ZNF608: variants seen among roughly 807,000 people sequenced by gnomAD.
ZNF608 encodes zinc finger protein 608, also known as renal carcinoma antigen NY-REN-36.
ZNF608 carries 12 observed loss-of-function variants against 109.0 expected under a neutral mutation model. That is an observed-to-expected ratio of 0.11 (90% confidence interval 0.07 to 0.18). The LOEUF (loss-of-function observed/expected upper bound fraction) is 0.18, where lower values mean the gene tolerates loss of function less well. ZNF608 is among the 10% of genes least tolerant of loss of function. The probability of loss-of-function intolerance (pLI) is 1.00; values close to 1 mark genes in which losing one functional copy is unlikely to be tolerated. For missense variants in ZNF608, 1,707 were observed against 1,879.3 expected (o/e 0.91, Z 1.70); for synonymous variants, 732 against 717.4 (o/e 1.02, Z -0.33).
chr5:124,743,466 C>A (rs1749502239), intron 2 of ZNF608, among the ~76,000 whole-genome samples: 1 of 152,126 alleles, frequency 6.6e-6, no homozygotes, highest in Non-Finnish European at 1.5e-5. Context: ...AATGACCCAA[C>A]ACATCAAGCT....
In ZNF608 at chr5:124,744,509, C is replaced by T; in HGVS notation, c.481G>A (p.Gly161Ser). 3 of 1,614,202 alleles carry T rather than the reference C, an allele frequency of 1.9e-6. No individual in the cohort carries two copies. In the South Asian group the frequency reaches 3.3e-5, roughly 18 times the overall value. The change falls in exon 2 of 10, where the codon GGC (glycine) becomes AGC (serine). Residue 161 changes from glycine to serine, a missense_variant. Physicochemically the swap from Gly to Ser is moderately conservative, Grantham distance 56. This residue lies in a region of ZNF608 where 407 missense variants were observed against 398.7 expected (regional missense o/e 1.02). Transcript: ENST00000513986. This position sits in a 1 kb window ranked among gnomAD's most constrained non-coding sequence, Gnocchi z 4.5. ...SALGQSVSSGGSGNPNSNSTS... is the reference protein window; with the variant it reads ...SALGQSVSSGSSGNPNSNSTS... Reference sequence around the variant, plus strand: ...CTATTGCTGTTTGGGTTGCCGCTGCCGCCGCTGCTCACACTTTGACCCAGC... The same window carrying T: ...CTATTGCTGTTTGGGTTGCCGCTGCTGCCGCTGCTCACACTTTGACCCAGC...
chr5:124,649,377 C>G (rs550978263), intron 4 of ZNF608, among the ~76,000 whole-genome samples: 1 of 152,256 alleles, frequency 6.6e-6, no homozygotes, highest in South Asian at 2.1e-4. Context: ...GTTCAAATTC[C>G]CACTTTGAGA....
At chr5:124,675,287 A>T (rs948755756) in intron 3 of ZNF608, among the ~76,000 whole-genome samples, 1 of 152,212 alleles carries the variant, frequency 6.6e-6, no homozygotes, top group Non-Finnish European at 1.5e-5. Context: ...AAATCATTCA[A>T]ACGTGTGCAA....
intron 2 of ZNF608, among the ~76,000 whole-genome samples, chr5:124,707,638 A>G (rs966324803): frequency 3.9e-5 from 6 of 152,196 alleles, no homozygotes; most frequent in African/African-American, 1.4e-4. Context: ...TTTAAAAAGC[A>G]TTAGAAAGAG....
chr5:124,704,949 CAGA>C (rs1753199861), intron 2 of ZNF608, among the ~76,000 whole-genome samples: 1 of 152,058 alleles, frequency 6.6e-6, no homozygotes, highest in Non-Finnish European at 1.5e-5. Flanking sequence ...CACTGGGAAA[CAGA>C]AGAAGGGTGG....
chr5:124,745,179 AGG>A lies in ZNF608; in HGVS notation c.-183-9_-183-8del. 7.3e-6 allele frequency: 10 copies of A among 1,377,044 alleles called. No individual in the cohort carries two copies. The South Asian group carries it at 1.3e-4, about 17-fold the overall frequency. The allele number at this position is 1,377,044 out of a possible 1,614,324, so 85.3% of individuals were successfully genotyped here. A position where few individuals can be genotyped will look rare whatever the true frequency, so the allele number is the denominator to read the frequency against. ...AGTCCAGGTCCACCTTTTCCTGTGA[AGG>A]GGGGGGGAAAAGTCGAATATTTCTT... On this transcript the variant is annotated splice_region_variant and splice_polypyrimidine_tract_variant and intron_variant, in intron 1 of 9. Transcript: ENST00000513986.
At chr5:124,693,059 G>A (rs1396325737) in intron 3 of ZNF608, among the ~76,000 whole-genome samples, 2 of 152,182 alleles carry the variant, frequency 1.3e-5, no homozygotes, top group Non-Finnish European at 2.9e-5. Flanking sequence ...GATAAAAAAT[G>A]TTCTGAAATG....
intron 7 of ZNF608, among the ~76,000 whole-genome samples, chr5:124,642,468 C>A (rs1204793708): frequency 2.0e-5 from 3 of 152,146 alleles, no homozygotes; most frequent in Non-Finnish European, 4.4e-5. Flanking sequence ...TCGTGATGAA[C>A]CCCCAACCAT....
In ZNF608 at chr5:124,637,926, C is replaced by T; in HGVS notation, c.4533-20G>A. 1 of 1,611,380 alleles carries T rather than the reference C, an allele frequency of 6.2e-7. No individual in the cohort carries two copies. Among genetic ancestry groups the T allele is most frequent in the African/African-American group, 1.3e-5 (1 of 74,918 alleles). ...TATTCTCTGCAAAAGAAAAGCAAAC[C>T]TTAGCACACGGTTCTATCAACATTT... On this transcript the variant is annotated intron_variant, in intron 9 of 9. Coordinates refer to ENST00000513986, the MANE Select transcript of ZNF608 (RefSeq NM_020747.3).
At chr5:124,670,221 G>C (rs1000312462) in intron 3 of ZNF608, among the ~76,000 whole-genome samples, 4 of 152,148 alleles carry the variant, frequency 2.6e-5, no homozygotes, top group African/African-American at 9.7e-5. Context: ...CACAGAGATA[G>C]AGGGGAATTT....
chr5:124,702,982 A>G (rs1753114756), intron 2 of ZNF608, among the ~76,000 whole-genome samples: 1 of 152,222 alleles, frequency 6.6e-6, no homozygotes, highest in African/African-American at 2.4e-5. Flanking sequence ...AAGGGGGGAA[A>G]AAAAACAATG....
intron 2 of ZNF608, among the ~76,000 whole-genome samples, chr5:124,712,653 G>A (rs1753543683): frequency 6.6e-6 from 1 of 152,138 alleles, no homozygotes; most frequent in African/African-American, 2.4e-5. Flanking sequence ...GAGAAGCCAC[G>A]AGGAGACAGT....
chr5:124,661,429 C>T (rs772165446), intron 3 of ZNF608, among the ~76,000 whole-genome samples: 1 of 151,606 alleles, frequency 6.6e-6, no homozygotes, highest in African/African-American at 2.4e-5. Context: ...CACTCAGAGG[C>T]TGCCTTCCCA....
At chr5:124,667,722 T>C (rs1027343964) in intron 3 of ZNF608, among the ~76,000 whole-genome samples, 3 of 152,218 alleles carry the variant, frequency 2.0e-5, no homozygotes, top group African/African-American at 7.2e-5. Flanking sequence ...ATTAACTCTT[T>C]TAATCCTCCT....
At chr5:124,677,300 C>T (rs892379477) in intron 3 of ZNF608, among the ~76,000 whole-genome samples, 8 of 152,098 alleles carry the variant, frequency 5.3e-5, no homozygotes, top group Admixed American at 1.3e-4. Flanking sequence ...AAAGGGAAAA[C>T]ATCTTAAAAC....
At chr5:124,719,171 T>C (rs531209919) in intron 2 of ZNF608, among the ~76,000 whole-genome samples, 1 of 152,330 alleles carries the variant, frequency 6.6e-6, no homozygotes, top group Non-Finnish European at 1.5e-5. Context: ...ATCCCACTGA[T>C]ATTTCTGCAA....
At chr5:124,674,642 C>T (rs1370339168) in intron 3 of ZNF608, among the ~76,000 whole-genome samples, 1 of 152,032 alleles carries the variant, frequency 6.6e-6, no homozygotes, top group African/African-American at 2.4e-5. Flanking sequence ...ACAGAGTCTC[C>T]CTCTATCACC....
intron 3 of ZNF608, among the ~76,000 whole-genome samples, chr5:124,652,533 C>T (rs370811822): frequency 2.6e-5 from 4 of 152,154 alleles, no homozygotes; most frequent in African/African-American, 9.7e-5. Context: ...AATTCACATC[C>T]GAATATATAC....
intron 2 of ZNF608, chr5:124,735,208 CAACT>C (rs1175429427): frequency 1.3e-5 from 2 of 152,348 alleles, no homozygotes; most frequent in Admixed American, 6.5e-5. Context: ...TCACATTTTG[CAACT>C]AATTGGAAGC....
Sources: gnomAD v4.1 joint callset for allele counts (sites outside exome capture counted in the v4.1 genomes callset) on GRCh38, gnomAD v4.1.1 for gene constraint, gnomAD v4.1.1 regional missense constraint, Gnocchi (gnomAD v3.1) non-coding constraint, MANE v1.5 for transcripts, NCBI Gene and HGNC (gene_info 2026-07-23, HGNC 2026-07-21) for gene names.